Variants in AGBL4 observed in about 807,000 individuals in gnomAD.
AGBL4 encodes the protein cytosolic carboxypeptidase 6.
Under a neutral mutation model 66.4 loss-of-function variants are expected in AGBL4, and 58 were observed. The observed-to-expected ratio is 0.87, with a 90% CI of 0.71 to 1.09. The LOEUF (loss-of-function observed/expected upper bound fraction) is 1.09. AGBL4 is among the 50% of genes least tolerant of loss of function. The pLI, the probability that AGBL4 is intolerant of heterozygous loss-of-function variation, is 0.00. For missense variants in AGBL4, 579 were observed against 631.0 expected (o/e 0.92, Z 0.88); for synonymous variants, 234 against 222.9 (o/e 1.05, Z -0.44).
At chr1:48,918,773 C>T (rs200362245) in intron 5 of AGBL4, among the ~76,000 whole-genome samples, 1 of 152,188 alleles carries the variant, frequency 6.6e-6, no homozygotes, top group East Asian at 1.9e-4. Flanking sequence ...GTAGCCTGGA[C>T]TAAGACAGTT....
chr1:49,094,801 A>G (rs1645064716), intron 4 of AGBL4, among the ~76,000 whole-genome samples: 1 of 152,010 alleles, frequency 6.6e-6, no homozygotes, highest in Non-Finnish European at 1.5e-5. Context: ...CTCTCTTACC[A>G]CTCCTATTCA....
chr1:49,412,907 C>T (rs1482550571), intron 3 of AGBL4, among the ~76,000 whole-genome samples: 3 of 151,998 alleles, frequency 2.0e-5, no homozygotes, highest in Non-Finnish European at 2.9e-5. Flanking sequence ...TATTACCAGG[C>T]AAGATAAGAA....
chr1:48,575,771 T>C (rs1385506638), intron 11 of AGBL4, among the ~76,000 whole-genome samples: 1 of 152,174 alleles, frequency 6.6e-6, no homozygotes, highest in Non-Finnish European at 1.5e-5. Context: ...TTTCTCCATG[T>C]CCTGTGTTCC....
At chr1:49,571,660 G>T (rs932360054) in intron 3 of AGBL4, among the ~76,000 whole-genome samples, 1 of 151,922 alleles carries the variant, frequency 6.6e-6, no homozygotes, top group Non-Finnish European at 1.5e-5. Context: ...AGTTCTTTAG[G>T]CATTACTTTA....
At chr1:48,752,097 C>T (rs1438962439) in intron 6 of AGBL4, among the ~76,000 whole-genome samples, 2 of 152,154 alleles carry the variant, frequency 1.3e-5, no homozygotes, top group African/African-American at 4.8e-5. Context: ...AACTCTAAAC[C>T]GGCAGGCAGA....
chr1:49,410,212 T>C (rs1645288351), intron 3 of AGBL4, among the ~76,000 whole-genome samples: 1 of 152,184 alleles, frequency 6.6e-6, no homozygotes, highest in African/African-American at 2.4e-5. Flanking sequence ...CTCCAGGATA[T>C]GGCCATGTTG....
In AGBL4 at chr1:49,726,949, T is replaced by G. The variant is rs375919760; in HGVS notation, c.158-29512A>C. Among the ~76,000 whole-genome samples the G allele has an allele frequency of 2.6e-5, 4 of 152,152 alleles. No individual in the cohort carries two copies. In the East Asian group the frequency reaches 5.8e-4, roughly 22 times the overall value. ...AACAAAAACTCTTGAGTAAGCCTCT[T>G]TTGACCCAACTCAGGTCATATGCCC... On this transcript the variant is annotated intron_variant, in intron 2 of 13. Coordinates refer to ENST00000371839, the MANE Select transcript of AGBL4 (RefSeq NM_032785.4).
intron 5 of AGBL4, among the ~76,000 whole-genome samples, chr1:48,966,755 G>A (rs1031130793): frequency 1.3e-5 from 2 of 151,946 alleles, no homozygotes; most frequent in African/African-American, 4.8e-5. Flanking sequence ...GCCAGGAATA[G>A]AAGAGGAATG....
chr1:49,868,250 T>C (rs762604466), intron 1 of AGBL4, among the ~76,000 whole-genome samples: 10 of 152,120 alleles, frequency 6.6e-5, no homozygotes, highest in Non-Finnish European at 1.2e-4. Flanking sequence ...ACCATTAACA[T>C]TCTTCACATA....
At position 49,948,582 on chromosome 1, in the gene AGBL4, TAG is replaced by T. The variant is rs71059567; in HGVS notation, c.34+75179_34+75180del. On this transcript the variant is annotated intron_variant, in intron 1 of 13. Coordinates refer to ENST00000371839, the MANE Select transcript of AGBL4 (RefSeq NM_032785.4). ...ATATAAAAATATATATATATATATA[TAG>T]AGAGAGAGAGAGAGAGAGAGAGATA... Among the ~76,000 whole-genome samples, 325 of 126,888 alleles carry T rather than the reference TAG, an allele frequency of 2.6e-3. 1 individual carries two copies. The highest frequency in any genetic ancestry group is 8.5e-3 in the African/African-American group (277 of 32,746). 83.2% of individuals were successfully genotyped at this position (126,888 alleles called of 152,430 possible). A position where few individuals can be genotyped will look rare whatever the true frequency, so the allele number is the denominator to read the frequency against.
chr1:49,511,895 A>T (rs1365808924), intron 3 of AGBL4, among the ~76,000 whole-genome samples: 1 of 152,040 alleles, frequency 6.6e-6, no homozygotes, highest in Non-Finnish European at 1.5e-5. Context: ...TGTTAATGTA[A>T]CTTCAGAAAG....
At chr1:48,928,846 C>A (rs1654803015) in intron 5 of AGBL4, among the ~76,000 whole-genome samples, 1 of 152,156 alleles carries the variant, frequency 6.6e-6, no homozygotes, top group Non-Finnish European at 1.5e-5. Flanking sequence ...TATGGCATTG[C>A]TGAACTAATA....
chr1:48,797,599 C>T (rs1645717728), intron 6 of AGBL4, among the ~76,000 whole-genome samples: 1 of 152,058 alleles, frequency 6.6e-6, no homozygotes. Flanking sequence ...GTATATACCA[C>T]ATTATCTTTT....
At chr1:48,681,114 G>A (rs1196089015) in intron 6 of AGBL4, among the ~76,000 whole-genome samples, 1 of 152,204 alleles carries the variant, frequency 6.6e-6, no homozygotes, top group African/African-American at 2.4e-5. Context: ...TTACTGGCTA[G>A]AACACCAATA....
At chr1:48,756,809 G>A (rs752545117) in intron 6 of AGBL4, among the ~76,000 whole-genome samples, 1 of 152,228 alleles carries the variant, frequency 6.6e-6, no homozygotes, top group Non-Finnish European at 1.5e-5. Flanking sequence ...AGCCCTGAGA[G>A]GATAGGGTGG....
chr1:49,612,725 A>C (rs960299544), intron 3 of AGBL4, among the ~76,000 whole-genome samples: 16 of 152,248 alleles, frequency 1.1e-4, no homozygotes, highest in African/African-American at 3.9e-4. Flanking sequence ...AAGTCATAAA[A>C]TAACAGATGC....
At position 49,115,634 on chromosome 1, in the gene AGBL4, G is replaced by A. The variant is rs542785472; in HGVS notation, c.378-69834C>T. 4.6e-5 allele frequency among the ~76,000 whole-genome samples: 7 copies of A among 152,028 alleles called. No individual in the cohort carries two copies. In the East Asian group the frequency reaches 5.8e-4, roughly 13 times the overall value. The stretch of plus-strand genomic sequence containing the variant: ...AGATAGAAAGAGAGAGAAAGAATCC[G>A]GTATACTCTATATTTGGGCTGGGAT... On this transcript the variant is annotated intron_variant, in intron 4 of 13. Transcript: ENST00000371839.
At chr1:48,711,245 G>A (rs950233634) in intron 6 of AGBL4, among the ~76,000 whole-genome samples, 29 of 152,350 alleles carry the variant, frequency 1.9e-4, no homozygotes, top group Middle Eastern at 3.4e-3. Flanking sequence ...AAGGAGGAGA[G>A]CCCTGAGGTT....
intron 1 of AGBL4, among the ~76,000 whole-genome samples, chr1:49,908,646 C>A (rs1650510619): frequency 1.3e-5 from 2 of 151,988 alleles, no homozygotes; most frequent in Admixed American, 1.3e-4. Context: ...TGGCCTAATA[C>A]ACTGGGCATG....
Sources: allele counts gnomAD v4.1 joint callset (sites outside exome capture counted in the v4.1 genomes callset), GRCh38; gene constraint gnomAD v4.1.1; transcripts MANE v1.5; gene names NCBI Gene and HGNC (gene_info 2026-07-23, HGNC 2026-07-21).